The following IL1RAPL2 variants were observed in gnomAD, a reference collection of about 807,000 sequenced individuals.
IL1RAPL2 encodes the protein X-linked interleukin-1 receptor accessory protein-like 2.
A neutral mutation model predicts 44.1 loss-of-function variants in IL1RAPL2; 3 were observed. The ratio of observed to expected loss-of-function variants is 0.07; its 90% CI spans 0.03 to 0.18. IL1RAPL2 has a LOEUF of 0.18. Ranked by LOEUF, IL1RAPL2 falls within the 10% of genes least tolerant of loss-of-function variation. IL1RAPL2 has a pLI of 1.00. For missense variants in IL1RAPL2, 391 were observed against 496.4 expected (o/e 0.79, Z 2.02); for synonymous variants, 181 against 178.8 (o/e 1.01, Z -0.10).
chrX:104,908,109 G>A (rs1283625087), intron 2 of IL1RAPL2, among the ~76,000 whole-genome samples: 21 of 110,279 alleles, frequency 1.9e-4, no homozygotes, highest in African/African-American at 6.3e-4. Context: ...TGTTTTATCA[G>A]AGACTAGGAT....
intron 10 of IL1RAPL2, among the ~76,000 whole-genome samples, chrX:105,761,894 T>C (rs952436183): frequency 2.7e-5 from 3 of 112,145 alleles, no homozygotes; most frequent in African/African-American, 9.7e-5. Context: ...ACAAAAATAA[T>C]TTATAAGGAG....
At chrX:104,934,906 T>G (rs1234428677) in intron 2 of IL1RAPL2, among the ~76,000 whole-genome samples, 1 of 112,062 alleles carries the variant, frequency 8.9e-6, no homozygotes, top group Non-Finnish European at 1.9e-5. Context: ...GCCTAAAACC[T>G]TGTGCTGCGG....
chrX:104,655,120 CAG>C (rs1930229653), intron 1 of IL1RAPL2, among the ~76,000 whole-genome samples: 2 of 111,633 alleles, frequency 1.8e-5, no homozygotes, highest in Non-Finnish European at 3.8e-5. Flanking sequence ...CATCTGCAAA[CAG>C]GGACAATTTG....
intron 2 of IL1RAPL2, among the ~76,000 whole-genome samples, chrX:105,080,752 A>G (rs1361509937): frequency 2.7e-5 from 3 of 111,956 alleles, no homozygotes; most frequent in Non-Finnish European, 5.6e-5. Flanking sequence ...AATTCTGTGA[A>G]GAAAGTCAGT....
chrX:104,895,443 C>T (rs1208796859), intron 2 of IL1RAPL2, among the ~76,000 whole-genome samples: 1 of 112,790 alleles, frequency 8.9e-6, no homozygotes, highest in Non-Finnish European at 1.9e-5. Context: ...CCAGTTCAAG[C>T]TTCCTGGCCA....
At chrX:105,729,542 G>GTTGT (rs1416401859) in intron 7 of IL1RAPL2, among the ~76,000 whole-genome samples, 2 of 110,842 alleles carry the variant, frequency 1.8e-5, no homozygotes, top group Admixed American at 9.7e-5. Flanking sequence ...TTTAAATTAG[G>GTTGT]TTGTTAGTTT....
At chrX:104,763,166 G>A (rs1350795766) in intron 2 of IL1RAPL2, among the ~76,000 whole-genome samples, 2 of 111,543 alleles carry the variant, frequency 1.8e-5, no homozygotes, top group Non-Finnish European at 3.8e-5. Flanking sequence ...CAAGTTCAAA[G>A]TTCCACAGAT....
intron 2 of IL1RAPL2, among the ~76,000 whole-genome samples, chrX:104,992,237 G>C (rs996755260): frequency 2.7e-5 from 3 of 111,183 alleles, no homozygotes; most frequent in African/African-American, 3.3e-5. Flanking sequence ...TAAGTAGAGA[G>C]TGACATGATC....
intron 3 of IL1RAPL2, among the ~76,000 whole-genome samples, chrX:105,215,681 C>G (rs1811439152): frequency 9.0e-6 from 1 of 111,485 alleles, no homozygotes. Context: ...AGGCCAATAT[C>G]CCCGAAGAAC....
At chrX:105,382,379 T>C (rs1382499222) in intron 5 of IL1RAPL2, among the ~76,000 whole-genome samples, 2 of 109,349 alleles carry the variant, frequency 1.8e-5, no homozygotes, top group Admixed American at 9.6e-5. Context: ...ATGCTCATCA[T>C]CACTGGCCAT....
At chrX:105,023,569 C>G (rs761472505) in intron 2 of IL1RAPL2, among the ~76,000 whole-genome samples, 2 of 111,447 alleles carry the variant, frequency 1.8e-5, no homozygotes, top group South Asian at 7.4e-4. Flanking sequence ...AATAGCATCT[C>G]AAAAAATATT....
At chrX:105,262,458 TATTG>T (rs1332532585) in intron 4 of IL1RAPL2, among the ~76,000 whole-genome samples, 4 of 111,917 alleles carry the variant, frequency 3.6e-5, no homozygotes, top group Non-Finnish European at 7.5e-5. Context: ...AGTTAATATT[TATTG>T]AGTAGTTTTA....
At chrX:105,207,138 A>G (rs893592118) in intron 3 of IL1RAPL2, among the ~76,000 whole-genome samples, 1 of 111,547 alleles carries the variant, frequency 9.0e-6, no homozygotes, top group Non-Finnish European at 1.9e-5. Flanking sequence ...TTTTAATAAA[A>G]GCGATGTTTT....
At chrX:105,173,460 G>T (rs1249841798) in intron 2 of IL1RAPL2, among the ~76,000 whole-genome samples, 2 of 111,821 alleles carry the variant, frequency 1.8e-5, no homozygotes, top group Non-Finnish European at 3.8e-5. Flanking sequence ...TGTCTGGTGG[G>T]AGGAAGGTAC....
intron 2 of IL1RAPL2, among the ~76,000 whole-genome samples, chrX:105,124,846 C>T (rs1249995893): frequency 9.0e-6 from 1 of 110,657 alleles, no homozygotes; most frequent in Non-Finnish European, 1.9e-5. Flanking sequence ...TTAAGTTAGC[C>T]ACAGTGACAA....
intron 2 of IL1RAPL2, among the ~76,000 whole-genome samples, chrX:104,955,062 G>A (rs1303703363): frequency 1.8e-5 from 2 of 112,089 alleles, no homozygotes; most frequent in Admixed American, 1.9e-4. Flanking sequence ...TAGAAAAAGG[G>A]TGGTAACTTC....
chrX:105,391,132 T>G (rs150906446), intron 5 of IL1RAPL2, among the ~76,000 whole-genome samples: 4,462 of 111,767 alleles, frequency 0.04, 98 homozygotes, highest in Middle Eastern at 0.074. Context: ...GTTCGTTTAT[T>G]TCAGCCAGTG....
At chrX:105,423,491 A>G (rs139137497) in intron 5 of IL1RAPL2, among the ~76,000 whole-genome samples, 3,636 of 111,037 alleles carry the variant, frequency 0.033, 167 homozygotes, top group African/African-American at 0.11. Flanking sequence ...TATTAGAGAG[A>G]CTTTGTTACC....
At chrX:105,099,380 A>G (rs1480006630) in intron 2 of IL1RAPL2, among the ~76,000 whole-genome samples, 1 of 106,811 alleles carries the variant, frequency 9.4e-6, no homozygotes, top group Non-Finnish European at 1.9e-5. Flanking sequence ...GCTTACAGTC[A>G]TGGCAGGGGG....
Sources: allele counts gnomAD v4.1 joint callset (sites outside exome capture counted in the v4.1 genomes callset), GRCh38; gene constraint gnomAD v4.1.1; transcripts MANE v1.5; gene names NCBI Gene and HGNC (gene_info 2026-07-23, HGNC 2026-07-21).